Variants in CLMP observed in about 807,000 individuals in gnomAD.
CLMP encodes the protein CXADR-like membrane protein.
A neutral mutation model predicts 45.2 loss-of-function variants in CLMP; 27 were observed. The observed-to-expected ratio is 0.60, with a 90% CI of 0.44 to 0.82. The LOEUF (loss-of-function observed/expected upper bound fraction) is 0.82, where lower values mean the gene tolerates loss of function less well. Among genes scored for constraint, CLMP ranks in the 40% least tolerant of loss-of-function variants. CLMP has a pLI of 0.00. For synonymous variants in CLMP, 167 were observed against 171.4 expected (o/e 0.97, Z 0.20); for missense variants, 403 against 448.4 (o/e 0.90, Z 0.91).
At chr11:123,103,491 G>A (rs1417357594) in intron 1 of CLMP, among the ~76,000 whole-genome samples, 1 of 152,030 alleles carries the variant, frequency 6.6e-6, no homozygotes, top group South Asian at 2.1e-4. Flanking sequence ...TTGACAGTCA[G>A]CCAAGTCCTA....
At chr11:123,189,357 T>G (rs1861875942) in intron 1 of CLMP, among the ~76,000 whole-genome samples, 1 of 152,250 alleles carries the variant, frequency 6.6e-6, no homozygotes, top group African/African-American at 2.4e-5. Flanking sequence ...CTAGCTCAGC[T>G]GTTTACTCGC....
At chr11:123,083,497 C>G (rs1433001086) in intron 4 of CLMP, among the ~76,000 whole-genome samples, 183 bp downstream of exon 4, 1 of 152,042 alleles carries the variant, frequency 6.6e-6, no homozygotes, top group East Asian at 1.9e-4. Flanking sequence ...ACTACTTTTA[C>G]ATGTCATTTG....
chr11:123,189,087 A>G (rs558381444), intron 1 of CLMP, among the ~76,000 whole-genome samples: 1 of 152,364 alleles, frequency 6.6e-6, no homozygotes, highest in African/African-American at 2.4e-5. Context: ...TAATCCATAC[A>G]TGATGTGTGT....
rs952313568 is a variant in CLMP at position 123,089,694 on chromosome 11, A to G, written c.187-4981T>C. 6.1e-5 allele frequency among the ~76,000 whole-genome samples: 9 copies of G among 146,812 alleles called. No individual in the cohort carries two copies. The East Asian group carries it at 6.4e-4, about 10-fold the overall frequency. On this transcript the variant is annotated intron_variant, in intron 2 of 6. Transcript: ENST00000448775. Reference sequence around the variant, plus strand: ...CGGGAGGCTGAGGCAGGAGAATGGCATGAACCCAGGAGGCGGAGCTTGCAG... The same window carrying G: ...CGGGAGGCTGAGGCAGGAGAATGGCGTGAACCCAGGAGGCGGAGCTTGCAG...
chr11:123,195,000 G>A lies in CLMP; in HGVS notation c.-60C>T, dbSNP rs1861961910. The A allele has an allele frequency of 2.4e-5, 37 of 1,569,498 alleles. No individual in the cohort carries two copies. The South Asian group carries it at 3.8e-4, about 16-fold the overall frequency. ...CTGCTGCTTGGCTCCGGGGCGGCCG[G>A]GCGCCTCCGACGGACCTCGGGCGAG... On this transcript the variant is annotated 5_prime_UTR_variant, in exon 1 of 7. Transcript: ENST00000448775.
At chr11:123,105,804 TTTTG>T (rs1009141581) in intron 1 of CLMP, among the ~76,000 whole-genome samples, 20 of 149,862 alleles carry the variant, frequency 1.3e-4, no homozygotes, top group South Asian at 2.1e-4. Context: ...GAACTGTGGT[TTTTG>T]TTTGTTTGTT....
At chr11:123,172,072 T>G (rs1038689426) in intron 1 of CLMP, among the ~76,000 whole-genome samples, 18 of 152,262 alleles carry the variant, frequency 1.2e-4, no homozygotes, top group African/African-American at 4.1e-4. Context: ...GTCATAAAAT[T>G]TCTTTGTCAT....
intron 1 of CLMP, among the ~76,000 whole-genome samples, chr11:123,107,126 T>C (rs1447878441): frequency 2.6e-5 from 4 of 151,408 alleles, no homozygotes; most frequent in Non-Finnish European, 5.9e-5. Flanking sequence ...AGTGGCACAA[T>C]CATAACTCAC....
At chr11:123,166,424 G>C (rs1395537952) in intron 1 of CLMP, among the ~76,000 whole-genome samples, 2 of 152,246 alleles carry the variant, frequency 1.3e-5, no homozygotes, top group Non-Finnish European at 2.9e-5. Flanking sequence ...CAATAGCCCA[G>C]AGTCTGCTGC....
intron 1 of CLMP, among the ~76,000 whole-genome samples, chr11:123,159,065 C>T (rs189518853): frequency 2.6e-5 from 4 of 152,216 alleles, no homozygotes; most frequent in Admixed American, 6.5e-5. Context: ...CTATGTAGGC[C>T]TAGTTCTAAG....
intron 1 of CLMP, among the ~76,000 whole-genome samples, chr11:123,188,419 T>G (rs926018305): frequency 6.6e-6 from 1 of 151,292 alleles, no homozygotes; most frequent in East Asian, 2.0e-4. Context: ...CCTCCTCCTC[T>G]TCCTCCTCCT....
intron 1 of CLMP, among the ~76,000 whole-genome samples, chr11:123,180,269 G>A (rs181503801): frequency 1.6e-3 from 248 of 152,316 alleles, no homozygotes; most frequent in Admixed American, 4.1e-3. Context: ...TGGCACATTC[G>A]GTCTAATGTG....
chr11:123,123,372 G>A (rs1384769405), intron 1 of CLMP, among the ~76,000 whole-genome samples: 2 of 150,194 alleles, frequency 1.3e-5, no homozygotes, highest in East Asian at 3.9e-4. Context: ...CCATTCTCGT[G>A]GATCAGCCTC....
At chr11:123,126,456 A>G (rs1009138134) in intron 1 of CLMP, among the ~76,000 whole-genome samples, 3 of 152,174 alleles carry the variant, frequency 2.0e-5, no homozygotes, top group Non-Finnish European at 4.4e-5. Context: ...CGGGAGTCTC[A>G]GTGTGTTGCT....
chr11:123,184,334 G>T (rs997594323), intron 1 of CLMP, among the ~76,000 whole-genome samples: 1 of 152,150 alleles, frequency 6.6e-6, no homozygotes, highest in East Asian at 1.9e-4. Flanking sequence ...GACCTCAGGG[G>T]ATCCTGCCGC....
At chr11:123,146,559 T>A (rs1167094668) in intron 1 of CLMP, among the ~76,000 whole-genome samples, 1 of 152,160 alleles carries the variant, frequency 6.6e-6, no homozygotes, top group Non-Finnish European at 1.5e-5. Flanking sequence ...CTCAGCTCTG[T>A]GACACATCCT....
chr11:123,083,864 C>T lies in CLMP; in HGVS notation c.389-17G>A, dbSNP rs1865833264. ...ATGGTCTCACTGGCAACAGCAACAA[C>T]AAGCAAAAGTGTAGTGATTCAAAGA... On this transcript the variant is annotated splice_polypyrimidine_tract_variant and intron_variant, in intron 3 of 6. Transcript: ENST00000448775. 3 of 1,611,748 alleles carry T rather than the reference C, an allele frequency of 1.9e-6. No individual in the cohort carries two copies. The highest frequency in any genetic ancestry group is 2.2e-5 in the East Asian group (1 of 44,844).
chr11:123,132,214 T>C (rs1337937223), intron 1 of CLMP, among the ~76,000 whole-genome samples: 1 of 152,176 alleles, frequency 6.6e-6, no homozygotes, highest in Non-Finnish European at 1.5e-5. Flanking sequence ...ATTCCTAACT[T>C]CCTGCAGGCT....
intron 5 of CLMP, among the ~76,000 whole-genome samples, chr11:123,078,661 T>C (rs1238882979): frequency 2.0e-5 from 3 of 150,924 alleles, no homozygotes; most frequent in African/African-American, 7.3e-5. Flanking sequence ...TTTTTTTTTT[T>C]TGAGACAGAG....
Sources: allele counts gnomAD v4.1 joint callset (sites outside exome capture counted in the v4.1 genomes callset), GRCh38; gene constraint gnomAD v4.1.1; transcripts MANE v1.5; gene names NCBI Gene and HGNC (gene_info 2026-07-23, HGNC 2026-07-21).